Variants in NRXN3 observed in about 807,000 individuals in gnomAD.
NRXN3 encodes the protein neurexin III.
In NRXN3, 32 loss-of-function variants were observed where a neutral mutation model predicts 137.6. That is an observed-to-expected ratio of 0.23 (90% CI 0.18 to 0.31). The LOEUF is 0.31. Among genes scored for constraint, NRXN3 ranks in the 10% least tolerant of loss-of-function variants. The pLI is 1.00. For synonymous variants in NRXN3, 798 were observed against 784.5 expected (o/e 1.02, Z -0.29); for missense variants, 1,574 against 2,062.5 (o/e 0.76, Z 4.59).
At chr14:78,755,473 A>G (rs1414063014) in intron 8 of NRXN3, among the ~76,000 whole-genome samples, 1 of 152,204 alleles carries the variant, frequency 6.6e-6, no homozygotes, top group Non-Finnish European at 1.5e-5. Context: ...TGTTTAGTCA[A>G]TAAATGAGTG....
chr14:79,138,652 A>C (rs2058492377), intron 15 of NRXN3, among the ~76,000 whole-genome samples: 1 of 152,214 alleles, frequency 6.6e-6, no homozygotes, highest in Non-Finnish European at 1.5e-5. Context: ...ATTGGACAGA[A>C]AGTGAATGAC....
intron 15 of NRXN3, among the ~76,000 whole-genome samples, chr14:79,026,691 C>A (rs997118738): frequency 6.6e-6 from 1 of 151,812 alleles, no homozygotes; most frequent in African/African-American, 2.4e-5. Flanking sequence ...AAGGTGTTGA[C>A]CCATGGATAC....
At chr14:79,290,414 G>A (rs899459415) in intron 15 of NRXN3, among the ~76,000 whole-genome samples, 4 of 152,236 alleles carry the variant, frequency 2.6e-5, no homozygotes, top group Middle Eastern at 3.4e-3. Flanking sequence ...GTCATAGAAG[G>A]GAAAGGAGGA....
At chr14:78,616,189 A>G (rs2097345799) in intron 4 of NRXN3, among the ~76,000 whole-genome samples, 1 of 152,112 alleles carries the variant, frequency 6.6e-6, no homozygotes. Flanking sequence ...AAACCCTTTA[A>G]TGGTTTCCAT....
At chr14:79,632,075 C>T (rs2098358035) in intron 16 of NRXN3, among the ~76,000 whole-genome samples, 2 of 152,122 alleles carry the variant, frequency 1.3e-5, no homozygotes, top group Admixed American at 6.5e-5. Context: ...TGTTCTTTCA[C>T]TCTTTACAAT....
intron 15 of NRXN3, among the ~76,000 whole-genome samples, chr14:79,282,764 C>A (rs1282281907): frequency 6.6e-6 from 1 of 152,152 alleles, no homozygotes; most frequent in African/African-American, 2.4e-5. Context: ...CAGGGTCTGG[C>A]ATGGCTGAGA....
intron 4 of NRXN3, among the ~76,000 whole-genome samples, chr14:78,523,815 T>TAAAAAAAAAAAAAAAAAAA (rs2096327395): frequency 8.3e-5 from 1 of 11,996 alleles, no homozygotes; most frequent in Non-Finnish European, 1.4e-4. Context: ...AGACTCTGTC[T>TAAAAAAAAAAAAAAAAAAA]CAAAAAAAAA....
At chr14:78,277,207 T>C (rs1257588363) in intron 2 of NRXN3, among the ~76,000 whole-genome samples, 1 of 152,182 alleles carries the variant, frequency 6.6e-6, no homozygotes, top group Non-Finnish European at 1.5e-5. Flanking sequence ...ACACTGGAGC[T>C]TTACAAATCT....
chr14:78,600,646 ATC>A (rs2097194990), intron 4 of NRXN3, among the ~76,000 whole-genome samples: 1 of 151,980 alleles, frequency 6.6e-6, no homozygotes, highest in African/African-American at 2.4e-5. Flanking sequence ...TTTCTGGACA[ATC>A]TCTACCACCT....
chr14:79,042,977 G>GAGC (rs1467489570), intron 15 of NRXN3, among the ~76,000 whole-genome samples: 2 of 151,678 alleles, frequency 1.3e-5, no homozygotes, highest in East Asian at 1.9e-4. Flanking sequence ...TCTGCTCAGT[G>GAGC]AGCAGCCCAA....
intron 15 of NRXN3, among the ~76,000 whole-genome samples, chr14:79,141,207 A>T (rs2058758162): frequency 6.6e-6 from 1 of 152,206 alleles, no homozygotes; most frequent in Non-Finnish European, 1.5e-5. Context: ...GACTTCTACA[A>T]CCAGTGGAAT....
At position 78,335,822 on chromosome 14, in the gene NRXN3, T is replaced by C. The variant is rs17107366; in HGVS notation, c.757+37962T>C. On this transcript the variant is annotated intron_variant, in intron 4 of 20. Transcript: ENST00000335750. ...TCTCCAGCTCCATGAAATGTAAATC[T>C]GGGAACTGCTGGGGAAGGCACAGGC... is the stretch of plus-strand genomic sequence containing the variant. Among the ~76,000 whole-genome samples, 1,277 of 152,206 alleles carry C rather than the reference T, an allele frequency of 8.4e-3. 40 individuals carry two copies. In the East Asian group the frequency reaches 0.09, roughly 11 times the overall value.
At chr14:78,982,042 G>A (rs2099490734) in intron 14 of NRXN3, among the ~76,000 whole-genome samples, 1 of 152,060 alleles carries the variant, frequency 6.6e-6, no homozygotes, top group Admixed American at 6.6e-5. Flanking sequence ...GTTCTTGTCA[G>A]CATCTGGTGA....
At chr14:79,429,711 A>G (rs2153548796) in intron 15 of NRXN3, among the ~76,000 whole-genome samples, 1 of 152,280 alleles carries the variant, frequency 6.6e-6, no homozygotes, top group African/African-American at 2.4e-5. Context: ...GCTTCTAGTC[A>G]TTGACTTACC....
In NRXN3 at chr14:78,957,437, T is replaced by A. The variant is rs2099398960; in HGVS notation, c.2395+76T>A. ...GTCACTGAGTGAGCAAACAGTGTTTTGCAAAACCTTTTATTTTGCATAGTA... is the reference window on the plus strand; with the variant it reads ...GTCACTGAGTGAGCAAACAGTGTTTAGCAAAACCTTTTATTTTGCATAGTA... On this transcript the variant is annotated intron_variant, in intron 11 of 20. Transcript: ENST00000335750. The A allele has an allele frequency of 2.0e-6, 3 of 1,520,098 alleles. No homozygotes were observed. In the Admixed American group the frequency reaches 5.7e-5, roughly 29 times the overall value. The allele number at this position is 1,520,098 out of a possible 1,614,324, so 94.2% of individuals were successfully genotyped here.
At chr14:78,748,285 C>T (rs1003410935) in intron 8 of NRXN3, among the ~76,000 whole-genome samples, 1 of 151,958 alleles carries the variant, frequency 6.6e-6, no homozygotes, top group African/African-American at 2.4e-5. Context: ...AGGAGTCAGC[C>T]ATGGGAAGGG....
At chr14:78,230,291 C>T (rs1184042834) in intron 1 of NRXN3, among the ~76,000 whole-genome samples, 2 of 151,952 alleles carry the variant, frequency 1.3e-5, no homozygotes, top group Non-Finnish European at 2.9e-5. Flanking sequence ...TCCTAGATCC[C>T]TTCTAGCCAC....
At chr14:78,749,297 C>T (rs1278231593) in intron 8 of NRXN3, among the ~76,000 whole-genome samples, 1 of 152,160 alleles carries the variant, frequency 6.6e-6, no homozygotes, top group East Asian at 1.9e-4. Context: ...TCTCACCAGC[C>T]AATCGGGACT....
chr14:79,562,833 C>T (rs1487540777), intron 16 of NRXN3, among the ~76,000 whole-genome samples: 1 of 152,158 alleles, frequency 6.6e-6, no homozygotes. Context: ...AATTAAAAGA[C>T]ATTTCTTGAT....
Sources: allele counts gnomAD v4.1 joint callset (sites outside exome capture counted in the v4.1 genomes callset), GRCh38; gene constraint gnomAD v4.1.1; transcripts MANE v1.5; gene names NCBI Gene and HGNC (gene_info 2026-07-23, HGNC 2026-07-21).